NDE1: variants seen among roughly 807,000 people sequenced by gnomAD.
NDE1 encodes nuclear distribution protein nudE homolog 1.
Under a neutral mutation model 43.4 loss-of-function variants are expected in NDE1, and 28 were observed. The ratio of observed to expected loss-of-function variants is 0.65; its 90% CI spans 0.48 to 0.89. The LOEUF (loss-of-function observed/expected upper bound fraction) is 0.89, where lower values mean the gene tolerates loss of function less well. Ranked by LOEUF, NDE1 falls within the 40% of genes least tolerant of loss-of-function variation. The pLI is 0.00. For synonymous variants in NDE1, 184 were observed against 172.0 expected, an observed-to-expected ratio of 1.07 and a Z score of -0.55; for missense variants, 441 against 434.1, an observed-to-expected ratio of 1.02 and a Z score of -0.14.
At chr16:15,688,800 C>T (rs977791904) in intron 5 of NDE1, among the ~76,000 whole-genome samples, 25 of 141,044 alleles carry the variant, frequency 1.8e-4, no homozygotes, top group African/African-American at 6.1e-4. Context: ...CCAGGTTCAG[C>T]GATTCCCCTG....
rs909582372 is a variant in NDE1, at chr16:15,714,655, G to A, written c.948-9536G>A. On this transcript the variant is annotated intron_variant, in intron 8 of 8. Coordinates refer to ENST00000396354, the MANE Select transcript of NDE1 (RefSeq NM_017668.3). ...GATAGCCTCTTCCTCCTCCTCAGCCGGAGGACCGGATGGGAGACGGTCGAT... is the reference window on the plus strand; with the variant it reads ...GATAGCCTCTTCCTCCTCCTCAGCCAGAGGACCGGATGGGAGACGGTCGAT... 16 of 586,684 alleles carry A rather than the reference G, an allele frequency of 2.7e-5. 1 individual carries two copies. The highest frequency in any genetic ancestry group is 4.5e-4 in the Middle Eastern group (1 of 2,214). The allele number at this position is 586,684 out of a possible 1,614,324, so 36.3% of individuals were successfully genotyped here. A position where few individuals can be genotyped will look rare whatever the true frequency, so the allele number is the denominator to read the frequency against.
intron 4 of NDE1, among the ~76,000 whole-genome samples, chr16:15,680,074 C>T (rs192920458): frequency 1.3e-5 from 2 of 152,302 alleles, no homozygotes; most frequent in African/African-American, 4.8e-5. Context: ...CCACCATACC[C>T]AGCCAGAGAT....
chr16:15,693,566 C>G (rs958246697), intron 6 of NDE1, among the ~76,000 whole-genome samples: 1 of 152,028 alleles, frequency 6.6e-6, no homozygotes, highest in Non-Finnish European at 1.5e-5. Flanking sequence ...TTTGGGCGGC[C>G]AAGGTGGGAG....
intron 3 of NDE1, 55 bp from the exon 4 acceptor site, chr16:15,677,746 T>C (rs2037960686): frequency 3.1e-6 from 5 of 1,607,238 alleles, no homozygotes; most frequent in Non-Finnish European, 2.6e-6. Context: ...TGCTACTGTG[T>C]CTAGCCTTCT....
chr16:15,682,493 G>T (rs561293716), intron 4 of NDE1, among the ~76,000 whole-genome samples: 1 of 152,232 alleles, frequency 6.6e-6, no homozygotes, highest in South Asian at 2.1e-4. Context: ...TGCTCTCATG[G>T]TCCTTCTTCT....
rs748806263 is a variant in NDE1 at position 15,717,232 on chromosome 16, C to A, written c.948-6959C>A. The A allele has an allele frequency of 3.3e-5, 54 of 1,614,214 alleles. No homozygotes were observed. The highest frequency in any genetic ancestry group is 4.6e-5 in the Non-Finnish European group (54 of 1,180,038). On this transcript the variant is annotated intron_variant, in intron 8 of 8. Transcript: ENST00000396354. The stretch of plus-strand genomic sequence containing the variant: ...TGAACTTGGACTTGACGGCCCCCTC[C>A]ATCTCGTGGAGCTTGCTCCGGAGCT...
rs558683143 is a variant in NDE1, at chr16:15,725,892, T to C, written c.*1641T>C. 19 of 389,398 alleles carry C rather than the reference T, an allele frequency of 4.9e-5. No homozygotes were observed. The highest frequency in any genetic ancestry group is 3.9e-4 in the African/African-American group (19 of 48,510). 24.1% of individuals were successfully genotyped at this position (389,398 alleles called of 1,614,324 possible). A position where few individuals can be genotyped will look rare whatever the true frequency, so the allele number is the denominator to read the frequency against. On this transcript the variant is annotated 3_prime_UTR_variant, in exon 9 of 9. Transcript: ENST00000396354. ...AGAGTAAGGATCAACATACATGTAA[T>C]AGGTTCTCAAAAGCCCTACATCATC...
chr16:15,648,244 T>A (rs981476043), upstream of NDE1, among the ~76,000 whole-genome samples: 1 of 152,174 alleles, frequency 6.6e-6, no homozygotes. Flanking sequence ...TTAGTTATTT[T>A]AAAATGTACA....
chr16:15,695,410 A>G (rs2038964955), intron 7 of NDE1: 1 of 780,486 alleles, frequency 1.3e-6, no homozygotes, highest in African/African-American at 1.9e-5. Context: ...TGAGAGGCTT[A>G]TGCAGGAAAA....
intron 7 of NDE1, chr16:15,694,864 T>A: frequency 1.0e-6 from 1 of 985,328 alleles, no homozygotes; most frequent in Non-Finnish European, 1.2e-6. Flanking sequence ...ACTCGAAAAA[T>A]TAAGGAGCAC....
At chr16:15,679,658 GT>G (rs1392657364) in intron 4 of NDE1, among the ~76,000 whole-genome samples, 2 of 152,160 alleles carry the variant, frequency 1.3e-5, no homozygotes, top group African/African-American at 4.8e-5. Flanking sequence ...CTTTTGTGCA[GT>G]TTTCAACATC....
intron 8 of NDE1, among the ~76,000 whole-genome samples, chr16:15,697,249 C>T (rs1456734395): frequency 1.3e-5 from 2 of 152,118 alleles, no homozygotes; most frequent in East Asian, 1.9e-4. Context: ...TGCCATGTTG[C>T]CGAGTTTGGT....
At chr16:15,719,713 C>A (rs767128780) in intron 8 of NDE1, 1 of 1,614,134 alleles carries the variant, frequency 6.2e-7, no homozygotes, top group Non-Finnish European at 8.5e-7. Flanking sequence ...TTCATCTGAG[C>A]CTGCATGAGT....
intron 1 of NDE1, among the ~76,000 whole-genome samples, chr16:15,657,804 G>A (rs1231896275): frequency 1.3e-5 from 2 of 152,018 alleles, no homozygotes; most frequent in African/African-American, 4.8e-5. Flanking sequence ...GTTTCACCAT[G>A]TTGCCCAGGC....
At chr16:15,673,901 G>A (rs796915952) in intron 3 of NDE1, among the ~76,000 whole-genome samples, 7 of 152,152 alleles carry the variant, frequency 4.6e-5, no homozygotes, top group African/African-American at 1.4e-4. Flanking sequence ...ATGGTTTAGG[G>A]CTGGTTAGCA....
intron 8 of NDE1, among the ~76,000 whole-genome samples, chr16:15,715,433 G>A (rs1360020189): frequency 6.6e-6 from 1 of 152,164 alleles, no homozygotes; most frequent in Non-Finnish European, 1.5e-5. Flanking sequence ...CCATGAAAAG[G>A]AATAAAGTAT....
chr16:15,653,539 C>T (rs564547033), intron 1 of NDE1, among the ~76,000 whole-genome samples: 3 of 152,082 alleles, frequency 2.0e-5, no homozygotes, highest in African/African-American at 7.2e-5. Context: ...GAGTAATTAT[C>T]GATGGTTTCT....
rs958193678 is a variant in NDE1 at position 15,704,274 on chromosome 16, C to G, written c.947+7414C>G. ...AAACACACACGGCACAAATAAGATG[C>G]AGATATTCAAGTTGAAGTCAACAAA... On this transcript the variant is annotated intron_variant, in intron 8 of 8. Transcript: ENST00000396354. 5.5e-5 allele frequency: 46 copies of G among 840,850 alleles called. No homozygotes were observed. The Admixed American group carries it at 1.1e-3, about 20-fold the overall frequency. The allele number at this position is 840,850 out of a possible 1,614,324, so 52.1% of individuals were successfully genotyped here.
At chr16:15,691,783 G>A (rs1007146636) in intron 6 of NDE1, among the ~76,000 whole-genome samples, 7 of 151,608 alleles carry the variant, frequency 4.6e-5, no homozygotes, top group African/African-American at 1.7e-4. Flanking sequence ...TGGGACTAAA[G>A]GCACCTGGCT....
Sources: allele counts gnomAD v4.1 joint callset (sites outside exome capture counted in the v4.1 genomes callset), GRCh38; gene constraint gnomAD v4.1.1; transcripts MANE v1.5; gene names NCBI Gene and HGNC (gene_info 2026-07-23, HGNC 2026-07-21).